The following DAB1 variants were observed in gnomAD, a reference collection of about 807,000 sequenced individuals.
The protein encoded by DAB1 is DAB adaptor protein 1.
Under a neutral mutation model 64.6 loss-of-function variants are expected in DAB1, and 15 were observed. The observed-to-expected ratio is 0.23, with a 90% confidence interval of 0.16 to 0.36. The LOEUF (loss-of-function observed/expected upper bound fraction) is 0.36, where lower values mean the gene tolerates loss of function less well. Among genes scored for constraint, DAB1 ranks in the 10% least tolerant of loss-of-function variants. The pLI is 1.00. For synonymous variants in DAB1, 235 were observed against 251.9 expected (o/e 0.93, Z 0.64); for missense variants, 596 against 706.7 (o/e 0.84, Z 1.78).
At chr1:58,456,741 A>G (rs532369113) in intron 3 of DAB1, among the ~76,000 whole-genome samples, 1 of 152,156 alleles carries the variant, frequency 6.6e-6, no homozygotes, top group Non-Finnish European at 1.5e-5. Flanking sequence ...ACCACCTCCA[A>G]TTAAGCCTTA....
intron 1 of DAB1, among the ~76,000 whole-genome samples, chr1:57,333,366 T>C (rs1676833326): frequency 1.3e-5 from 2 of 152,252 alleles, no homozygotes. Context: ...TTTCTCAGCA[T>C]CCTCATCTCC....
chr1:57,068,287 G>A (rs1651119642), intron 8 of DAB1, among the ~76,000 whole-genome samples: 1 of 151,998 alleles, frequency 6.6e-6, no homozygotes, highest in African/African-American at 2.4e-5. Context: ...AAAGATACTT[G>A]GTAAGCCACA....
At chr1:57,460,889 T>C (rs1686759346) in intron 7 of DAB1, among the ~76,000 whole-genome samples, 1 of 152,196 alleles carries the variant, frequency 6.6e-6, no homozygotes, top group South Asian at 2.1e-4. Flanking sequence ...CCTTATCTGA[T>C]TTTTTTAAAT....
intron 6 of DAB1, among the ~76,000 whole-genome samples, chr1:57,748,143 C>CT (rs1648375096): frequency 6.6e-6 from 1 of 152,164 alleles, no homozygotes; most frequent in Admixed American, 6.5e-5. Flanking sequence ...TACAGAGTGG[C>CT]TTACCAAAGC....
Position 58,482,945 on chromosome 1 carries a change from G to T in DAB1, n.257+23115C>A, listed in dbSNP as rs147362525. On this transcript the variant is annotated intron_variant and non_coding_transcript_variant, in intron 3 of 20. Coordinates refer to the DAB1 transcript ENST00000485760. ...CTAATATTTGTGGGGTCCATGGAAA[G>T]AATGAAAATGGAGGCCCAGATACCA... Among the ~76,000 whole-genome samples the T allele has an allele frequency of 1.6e-3, 245 of 152,254 alleles. 1 individual carries two copies. The highest frequency in any genetic ancestry group is 5.8e-3 in the African/African-American group (240 of 41,552).
chr1:58,453,640 G>T (rs373758440), intron 3 of DAB1, among the ~76,000 whole-genome samples: 1 of 152,174 alleles, frequency 6.6e-6, no homozygotes, highest in South Asian at 2.1e-4. Context: ...GATGCGCTGG[G>T]GATGCCATCC....
At chr1:57,801,660 T>A (rs139998272) in intron 6 of DAB1, among the ~76,000 whole-genome samples, 2,299 of 152,186 alleles carry the variant, frequency 0.015, 52 homozygotes, top group African/African-American at 0.053. Flanking sequence ...TTTTTTATTT[T>A]TTTTTATTTT....
At chr1:58,433,596 A>AGAGAGAGT (rs1300056626) in intron 3 of DAB1, among the ~76,000 whole-genome samples, 2 of 79,790 alleles carry the variant, frequency 2.5e-5, no homozygotes, top group Admixed American at 1.3e-4. Flanking sequence ...AGAGAGAGAG[A>AGAGAGAGT]GTGTGTGTGT....
intron 2 of DAB1, among the ~76,000 whole-genome samples, chr1:57,244,934 G>T (rs553339191): frequency 6.6e-6 from 1 of 152,294 alleles, no homozygotes; most frequent in East Asian, 1.9e-4. Flanking sequence ...GTCAGGGGAC[G>T]GTACTGGTAG....
rs554740875 is a variant in DAB1, at chr1:57,936,334, T to TGGAA, written n.388-52173_388-52172insTTCC. ...GTCCAAGACACCATCAGTTGTTGCC[T>TGGAA]GATGGTTCCAACCCGTCTTCCTGGT... On this transcript the variant is annotated intron_variant and non_coding_transcript_variant, in intron 5 of 20. Coordinates refer to the DAB1 transcript ENST00000485760. 1.2e-4 allele frequency among the ~76,000 whole-genome samples: 18 copies of TGGAA among 152,376 alleles called. No homozygotes were observed. The East Asian group carries it at 3.5e-3, about 29-fold the overall frequency.
chr1:58,104,179 C>T (rs989744538), intron 5 of DAB1, among the ~76,000 whole-genome samples: 9 of 152,196 alleles, frequency 5.9e-5, no homozygotes, highest in South Asian at 2.1e-4. Context: ...GCCTCCCCAC[C>T]GGGTGGTGAA....
intron 1 of DAB1, among the ~76,000 whole-genome samples, chr1:57,341,394 C>T: frequency 6.6e-6 from 1 of 152,214 alleles, no homozygotes; most frequent in East Asian, 1.9e-4. Flanking sequence ...GGACTCACTT[C>T]TGTGCACTGT....
Position 57,375,693 on chromosome 1 carries a change from C to A in DAB1, c.-137+48237G>T, listed in dbSNP as rs375471663. ...ACTGGAGCCTAGGTAACGCTGACTG[C>A]CATGACCCTGCCCTAACTCTGGGCA... On this transcript the variant is annotated intron_variant, in intron 1 of 14. Transcript: ENST00000371236. Among the ~76,000 whole-genome samples the A allele has an allele frequency of 5.5e-4, 84 of 152,278 alleles. No homozygotes were observed. In the South Asian group the frequency reaches 0.015, roughly 27 times the overall value.
chr1:57,021,249 C>T (rs1342202150), intron 11 of DAB1, among the ~76,000 whole-genome samples: 1 of 152,160 alleles, frequency 6.6e-6, no homozygotes, highest in East Asian at 1.9e-4. Context: ...AGTGGCTTGT[C>T]CATAGCTTCC....
At chr1:58,192,003 T>G (rs1190744070) in intron 4 of DAB1, among the ~76,000 whole-genome samples, 1 of 152,228 alleles carries the variant, frequency 6.6e-6, no homozygotes, top group African/African-American at 2.4e-5. Context: ...AAGGGAGTAT[T>G]ATTATTCCCA....
intron 4 of DAB1, among the ~76,000 whole-genome samples, chr1:58,239,186 T>C (rs1660181872): frequency 6.6e-6 from 1 of 152,212 alleles, no homozygotes; most frequent in Non-Finnish European, 1.5e-5. Context: ...ACAGCTCCTC[T>C]TCTTCTGTCT....
downstream of DAB1, among the ~76,000 whole-genome samples, chr1:57,821,934 T>C (rs897535345): frequency 6.6e-6 from 1 of 152,182 alleles, no homozygotes; most frequent in Non-Finnish European, 1.5e-5. Flanking sequence ...ATTTTCACAA[T>C]TTCTGTGAGG....
chr1:57,030,606 C>A (rs1268537399), intron 9 of DAB1, among the ~76,000 whole-genome samples: 2 of 152,196 alleles, frequency 1.3e-5, no homozygotes, highest in African/African-American at 4.8e-5. Flanking sequence ...GAATTTCATA[C>A]CTTTCCCAGC....
intron 4 of DAB1, among the ~76,000 whole-genome samples, chr1:58,226,211 C>G (rs1384704285): frequency 6.6e-6 from 1 of 152,176 alleles, no homozygotes; most frequent in Non-Finnish European, 1.5e-5. Flanking sequence ...TCAGACCCAG[C>G]TCAGTGTGGC....
Sources: allele counts gnomAD v4.1 joint callset (sites outside exome capture counted in the v4.1 genomes callset), GRCh38; gene constraint gnomAD v4.1.1; transcripts MANE v1.5; gene names NCBI Gene and HGNC (gene_info 2026-07-23, HGNC 2026-07-21).